The following DTNB variants were observed in gnomAD, a reference collection of about 807,000 sequenced individuals.
The protein encoded by DTNB is dystrobrevin beta.
A neutral mutation model predicts 90.7 loss-of-function variants in DTNB; 63 were observed. That is an observed-to-expected ratio of 0.69 (90% CI 0.57 to 0.86). The LOEUF (loss-of-function observed/expected upper bound fraction) is 0.86, where lower values mean the gene tolerates loss of function less well. DTNB is among the 40% of genes least tolerant of loss of function. The pLI, the probability that DTNB is intolerant of heterozygous loss-of-function variation, is 0.00. For synonymous variants in DTNB, 277 were observed against 286.7 expected, an observed-to-expected ratio of 0.97 and a Z score of 0.34; for missense variants, 744 against 807.1, an observed-to-expected ratio of 0.92 and a Z score of 0.95.
chr2:25,544,173 CA>C (rs959551217), intron 8 of DTNB, among the ~76,000 whole-genome samples: 3 of 152,130 alleles, frequency 2.0e-5, no homozygotes, highest in African/African-American at 4.8e-5. Context: ...GAAGGTGAGT[CA>C]GGGGTGGGGA....
At chr2:25,442,872 G>A (rs1456292584) in intron 12 of DTNB, among the ~76,000 whole-genome samples, 1 of 152,192 alleles carries the variant, frequency 6.6e-6, no homozygotes, top group East Asian at 1.9e-4. Flanking sequence ...CTTCAGAGTT[G>A]CTGTTAGAAC....
intron 19 of DTNB, 77 bp from the exon 20 acceptor site, chr2:25,379,400 C>A (rs939034728): frequency 1.0e-5 from 13 of 1,281,852 alleles, no homozygotes; most frequent in Non-Finnish European, 1.3e-5. Flanking sequence ...CTCAAAGGGG[C>A]TTCCCTGACC....
intron 16 of DTNB, among the ~76,000 whole-genome samples, chr2:25,402,814 G>T (rs1357449029): frequency 1.3e-5 from 2 of 152,156 alleles, no homozygotes; most frequent in Non-Finnish European, 2.9e-5. Flanking sequence ...GAAAGTTAGG[G>T]TTCTCAATCT....
chr2:25,425,361 A>C (rs1409689381), intron 15 of DTNB, among the ~76,000 whole-genome samples: 1 of 152,206 alleles, frequency 6.6e-6, no homozygotes, highest in African/African-American at 2.4e-5. Context: ...AGCAAGTCAA[A>C]ATTCAGTTTA....
intron 1 of DTNB, among the ~76,000 whole-genome samples, chr2:25,671,762 G>A (rs1166928080): frequency 3.3e-5 from 5 of 152,152 alleles, no homozygotes; most frequent in Non-Finnish European, 7.3e-5. Flanking sequence ...AATCCTTAGA[G>A]AACTCATAAA....
At chr2:25,441,639 A>G (rs776816283) in intron 12 of DTNB, among the ~76,000 whole-genome samples, 35 of 152,232 alleles carry the variant, frequency 2.3e-4, no homozygotes, top group Admixed American at 1.6e-3. Context: ...CATGCCATTA[A>G]GCAGAATTTG....
chr2:25,399,349 C>CTTTTTTTTTTTTT (rs1345016674), intron 16 of DTNB: 5 of 91,098 alleles, frequency 5.5e-5, no homozygotes, highest in East Asian at 5.7e-4. Flanking sequence ...TCGCCCCTGA[C>CTTTTTTTTTTTTT]CTTTTTTTTT....
intron 10 of DTNB, among the ~76,000 whole-genome samples, chr2:25,465,201 CCT>C (rs2061571727): frequency 6.6e-6 from 1 of 151,918 alleles, no homozygotes. Flanking sequence ...ACAGTGAAAC[CCT>C]GTCTCTACTA....
intron 4 of DTNB, among the ~76,000 whole-genome samples, chr2:25,623,350 G>C (rs2073269983): frequency 6.6e-6 from 1 of 152,178 alleles, no homozygotes; most frequent in Non-Finnish European, 1.5e-5. Flanking sequence ...ATTCCAGAGG[G>C]GGAAGCAAAA....
At chr2:25,590,924 G>A (rs533505047) in intron 6 of DTNB, among the ~76,000 whole-genome samples, 1 of 152,332 alleles carries the variant, frequency 6.6e-6, no homozygotes, top group South Asian at 2.1e-4. Flanking sequence ...TCGTGCCAAG[G>A]GGCACCTGCA....
intron 8 of DTNB, among the ~76,000 whole-genome samples, chr2:25,547,874 T>G (rs2082767554): frequency 6.6e-6 from 1 of 152,222 alleles, no homozygotes; most frequent in Non-Finnish European, 1.5e-5. Flanking sequence ...TTTCTACTTC[T>G]TTTACCAAAT....
At chr2:25,455,522 A>T in intron 10 of DTNB, 28 bp from the exon 11 acceptor site, 3 of 1,575,958 alleles carry the variant, frequency 1.9e-6, no homozygotes. Context: ...AAAGACAGCA[A>T]GCGTGACACA....
chr2:25,574,900 G>T (rs1405596399), intron 8 of DTNB, among the ~76,000 whole-genome samples: 1 of 151,980 alleles, frequency 6.6e-6, no homozygotes, highest in Non-Finnish European at 1.5e-5. Flanking sequence ...GTGCTGTGAG[G>T]GTCAAACAGA....
intron 2 of DTNB, among the ~76,000 whole-genome samples, chr2:25,640,029 C>A (rs944516770): frequency 6.6e-6 from 1 of 152,198 alleles, no homozygotes; most frequent in Admixed American, 6.5e-5. Context: ...CATCATGAAG[C>A]AAAGTCAAGA....
chr2:25,494,992 AGT>A (rs1381782931), intron 9 of DTNB, among the ~76,000 whole-genome samples: 1 of 152,214 alleles, frequency 6.6e-6, no homozygotes, highest in Non-Finnish European at 1.5e-5. Flanking sequence ...TCCAAAGAAA[AGT>A]GTCAAATGAC....
Position 25,432,910 on chromosome 2 carries a change from A to G in DTNB, c.1433T>C (p.Leu478Pro). The change falls in exon 14 of 21, where the codon CTG becomes CCG. Residue 478 changes from leucine to proline, a missense_variant. Transcript: ENST00000406818. ...CCTCAGCAGCCGCAGCTCTGCCAGC[A>G]GCGTGGGGTTCTGCTGTGCCTTCTC... The part of the protein sequence containing the change: ...TPEKAQQNPT[L>P]LAELRLLRQR... 1.2e-6 allele frequency: 2 copies of G among 1,608,882 alleles called. No individual in the cohort carries two copies. The highest frequency in any genetic ancestry group is 1.7e-6 in the Non-Finnish European group (2 of 1,178,398).
chr2:25,378,772 G>A (rs950191853), intron 20 of DTNB, among the ~76,000 whole-genome samples: 2 of 152,232 alleles, frequency 1.3e-5, no homozygotes, highest in Non-Finnish European at 2.9e-5. Context: ...GTGCAGCTTG[G>A]CCGGGCACCA....
chr2:25,529,553 C>T (rs1213413710), intron 9 of DTNB, among the ~76,000 whole-genome samples: 2 of 150,862 alleles, frequency 1.3e-5, no homozygotes, highest in Non-Finnish European at 2.9e-5. Context: ...TGCTATGGAA[C>T]ACTGTGTAGG....
chr2:25,450,188 G>A (rs1454144276), intron 12 of DTNB, among the ~76,000 whole-genome samples: 2 of 152,126 alleles, frequency 1.3e-5, no homozygotes, highest in Admixed American at 1.3e-4. Context: ...TTATGTTTAA[G>A]TTTATGATAC....
Sources: allele counts gnomAD v4.1 joint callset (sites outside exome capture counted in the v4.1 genomes callset), GRCh38; gene constraint gnomAD v4.1.1; transcripts MANE v1.5; gene names NCBI Gene and HGNC (gene_info 2026-07-23, HGNC 2026-07-21).